The following MGST2 variants were observed in gnomAD, a reference collection of about 807,000 sequenced individuals.
The protein encoded by MGST2 is microsomal glutathione S-transferase 2, also known as glutathione peroxidase MGST2.
Under a neutral mutation model 16.6 loss-of-function variants are expected in MGST2, and 9 were observed. The observed-to-expected ratio is 0.54, with a 90% confidence interval of 0.33 to 0.95. The LOEUF (loss-of-function observed/expected upper bound fraction) is 0.95. Ranked by LOEUF, MGST2 falls within the 40% of genes least tolerant of loss-of-function variation. The pLI is 0.03. For synonymous variants in MGST2, 79 were observed against 68.0 expected (o/e 1.16, Z -0.79); for missense variants, 159 against 175.1 (o/e 0.91, Z 0.52).
intron 3 of MGST2, among the ~76,000 whole-genome samples, chr4:139,699,213 A>G (rs1296954921): frequency 6.6e-6 from 1 of 152,252 alleles, no homozygotes; most frequent in Non-Finnish European, 1.5e-5. Context: ...TGGCTACAAA[A>G]TATTTACAGT....
intron 1 of MGST2, among the ~76,000 whole-genome samples, chr4:139,675,210 G>A (rs1560736741): frequency 1.3e-5 from 2 of 152,192 alleles, no homozygotes; most frequent in Admixed American, 6.5e-5. Flanking sequence ...GGATAGCAAG[G>A]TGCTTGGAAT....
intron 2 of MGST2, among the ~76,000 whole-genome samples, chr4:139,690,105 C>T (rs951244702): frequency 6.6e-6 from 1 of 152,010 alleles, no homozygotes; most frequent in African/African-American, 2.4e-5. Context: ...GATTCTTCTG[C>T]CTCAGCCTCC....
chr4:139,742,154 T>C (rs867927127), downstream of MGST2, among the ~76,000 whole-genome samples: 7 of 149,476 alleles, frequency 4.7e-5, no homozygotes, highest in Non-Finnish European at 8.9e-5. Context: ...CTTTTCTTTT[T>C]TTTTTTTTTT....
At chr4:139,729,050 C>T (rs2110982936) in intron 5 of MGST2, among the ~76,000 whole-genome samples, 1 of 150,744 alleles carries the variant, frequency 6.6e-6, no homozygotes, top group South Asian at 2.1e-4. Flanking sequence ...TGTCGCACAC[C>T]TTATGTAGGT....
At chr4:139,754,255 G>A in the MGST2 span, among the ~76,000 whole-genome samples, 4 of 152,068 alleles carry the variant, frequency 2.6e-5, no homozygotes, top group Non-Finnish European at 4.4e-5. Context: ...TTAATCACAT[G>A]TTTATGTTCT....
chr4:139,727,176 C>T (rs563965284), intron 5 of MGST2, among the ~76,000 whole-genome samples: 1 of 152,296 alleles, frequency 6.6e-6, no homozygotes, highest in South Asian at 2.1e-4. Context: ...ACAAGGCCAG[C>T]CAGTATTCTG....
In MGST2 at chr4:139,703,484, A is replaced by T. The variant is rs768007650; in HGVS notation, c.259A>T (p.Ile87Leu). Residue 87 changes from isoleucine to leucine, a missense_variant, in exon 4 of 5, where the codon ATA (isoleucine) becomes TTA (leucine). Coordinates refer to ENST00000265498, the MANE Select transcript of MGST2 (RefSeq NM_002413.5). ...TGCTACTTGTCTGGGTCTGGTGTAC[A>T]TATATGGCCGTCACCTATACTTCTG... ...VFATCLGLVY[I>L]YGRHLYFWGY... The T allele has an allele frequency of 1.9e-5, 30 of 1,613,632 alleles. No individual in the cohort carries two copies. The highest frequency in any genetic ancestry group is 2.5e-5 in the Non-Finnish European group (29 of 1,179,942).
chr4:139,701,331 G>T (rs777700291), intron 3 of MGST2, among the ~76,000 whole-genome samples: 15 of 152,130 alleles, frequency 9.9e-5, no homozygotes, highest in Non-Finnish European at 1.9e-4. Context: ...TCAAAACTGA[G>T]AACCATGTTC....
chr4:139,706,328 A>G (rs144606729), downstream of MGST2, among the ~76,000 whole-genome samples: 1 of 152,172 alleles, frequency 6.6e-6, no homozygotes, highest in Non-Finnish European at 1.5e-5. Flanking sequence ...GAACCAGACC[A>G]CCCTATCCTG....
intron 5 of MGST2, among the ~76,000 whole-genome samples, chr4:139,723,431 C>G (rs1271721205): frequency 6.6e-6 from 1 of 152,204 alleles, no homozygotes; most frequent in African/African-American, 2.4e-5. Flanking sequence ...CTGCCCCAGC[C>G]TCCGGAGTAG....
At chr4:139,686,061 A>G (rs1731544871) in intron 2 of MGST2, among the ~76,000 whole-genome samples, 1 of 152,228 alleles carries the variant, frequency 6.6e-6, no homozygotes, top group Non-Finnish European at 1.5e-5. Flanking sequence ...TTGGGGTGCA[A>G]CTTGGCGTTA....
At chr4:139,708,393 G>A (rs1173326701), downstream of MGST2, among the ~76,000 whole-genome samples, 2 of 152,258 alleles carry the variant, frequency 1.3e-5, no homozygotes, top group East Asian at 1.9e-4. Context: ...CATTATTTCT[G>A]AGGGCTCTGT....
chr4:139,703,626 A>G, intron 4 of MGST2, 90 bp downstream of exon 4: 1 of 1,236,818 alleles, frequency 8.1e-7, no homozygotes, highest in Non-Finnish European at 1.2e-6. Flanking sequence ...TATTAACAGC[A>G]CTGTGAGTTG....
chr4:139,666,521 TTAAA>T (rs368818611), intron 1 of MGST2, among the ~76,000 whole-genome samples: 266 of 152,338 alleles, frequency 1.7e-3, no homozygotes, highest in African/African-American at 6.1e-3. Flanking sequence ...ATGTGTTTTC[TTAAA>T]TAAACTGCCT....
chr4:139,747,828 C>T, the MGST2 span, among the ~76,000 whole-genome samples: 3 of 151,602 alleles, frequency 2.0e-5, no homozygotes, highest in Non-Finnish European at 2.9e-5. Flanking sequence ...CCAAGGTGGG[C>T]GGATCACCTG....
At chr4:139,717,605 C>T (rs75565018) in intron 5 of MGST2, 1,867 of 152,668 alleles carry the variant, frequency 0.012, 44 homozygotes, top group African/African-American at 0.042. Context: ...GTTTGCCTGC[C>T]GCCTCCTCTC....
chr4:139,708,932 G>T (rs1207023650), downstream of MGST2, among the ~76,000 whole-genome samples: 1 of 150,932 alleles, frequency 6.6e-6, no homozygotes, highest in African/African-American at 2.4e-5. Flanking sequence ...AACCCAGGAG[G>T]AGGTTGTGGT....
intron 2 of MGST2, among the ~76,000 whole-genome samples, chr4:139,689,860 T>G (rs1236766019): frequency 1.3e-5 from 2 of 152,208 alleles, no homozygotes; most frequent in Non-Finnish European, 2.9e-5. Flanking sequence ...GAAATATTCA[T>G]AAAAAGTTTT....
intron 2 of MGST2, among the ~76,000 whole-genome samples, chr4:139,691,119 G>A (rs1281079165): frequency 6.6e-6 from 1 of 152,166 alleles, no homozygotes; most frequent in Non-Finnish European, 1.5e-5. Context: ...CTCTCGCCAG[G>A]GAATGAGTAT....
Sources: gnomAD v4.1 joint callset for allele counts (sites outside exome capture counted in the v4.1 genomes callset) on GRCh38, gnomAD v4.1.1 for gene constraint, MANE v1.5 for transcripts, NCBI Gene and HGNC (gene_info 2026-07-23, HGNC 2026-07-21) for gene names.